The following GBP7 variants were observed in gnomAD, a reference collection of about 807,000 sequenced individuals.
The protein encoded by GBP7 is guanylate-binding protein 7.
GBP7 carries 43 observed loss-of-function variants against 61.3 expected under a neutral mutation model. The ratio of observed to expected loss-of-function variants is 0.70; its 90% CI spans 0.55 to 0.91. The LOEUF is 0.91. Among genes scored for constraint, GBP7 ranks in the 40% least tolerant of loss-of-function variants. The pLI, the probability that GBP7 is intolerant of heterozygous loss-of-function variation, is 0.00. For missense variants in GBP7, 717 were observed against 740.5 expected, an observed-to-expected ratio of 0.97 and a Z score of 0.37; for synonymous variants, 267 against 271.0, an observed-to-expected ratio of 0.99 and a Z score of 0.14.
intron 1 of GBP7, among the ~76,000 whole-genome samples, chr1:89,175,369 G>A (rs951219708): frequency 3.3e-5 from 5 of 152,138 alleles, no homozygotes; most frequent in Non-Finnish European, 7.4e-5. Context: ...CAAGCAAGAA[G>A]GGCAAACCAG....
rs758158653 is a variant in GBP7, at chr1:89,132,282, T to G, written c.1784A>C (p.Gln595Pro). The G allele has an allele frequency of 3.3e-5, 54 of 1,614,050 alleles. No homozygotes were observed. Among genetic ancestry groups the G allele is most frequent in the Non-Finnish European group, 4.3e-5 (51 of 1,179,960 alleles). ...TATACTGCCAGCCACATCAAGAATC[T>G]GTGAAAACACTGAGGGCTCTTCATT... Reference protein sequence around the residue: ...AENEEPSVFSQILDVAGSIFI... With the variant: ...AENEEPSVFSPILDVAGSIFI... Residue 595 changes from glutamine (Q) to proline (P), a missense_variant, in exon 11 of 11, where the codon CAG becomes CCG. Gln to Pro is a moderately conservative substitution (Grantham distance 76). Coordinates refer to ENST00000294671, the MANE Select transcript of GBP7 (RefSeq NM_207398.3).
intron 2 of GBP7, among the ~76,000 whole-genome samples, chr1:89,165,169 G>GTCAC (rs1190355963): frequency 6.6e-6 from 1 of 152,130 alleles, no homozygotes; most frequent in Non-Finnish European, 1.5e-5. Context: ...TGGAACTTCA[G>GTCAC]TGAAGTCTGA....
intron 2 of GBP7, among the ~76,000 whole-genome samples, chr1:89,169,885 G>A (rs1055372612): frequency 2.0e-5 from 3 of 152,146 alleles, no homozygotes; most frequent in Non-Finnish European, 4.4e-5. Context: ...TTCTTTGCTT[G>A]TGCCTTCTTT....
intron 8 of GBP7, among the ~76,000 whole-genome samples, chr1:89,141,870 C>T (rs1681961121): frequency 6.6e-6 from 1 of 152,186 alleles, no homozygotes; most frequent in Non-Finnish European, 1.5e-5. Context: ...GCCTGTCCAG[C>T]CTCTTCTCCC....
intron 8 of GBP7, among the ~76,000 whole-genome samples, chr1:89,145,704 G>A (rs1259722991): frequency 6.6e-6 from 1 of 151,998 alleles, no homozygotes; most frequent in Non-Finnish European, 1.5e-5. Context: ...GAAAAAATAA[G>A]AAAATCACAT....
intron 2 of GBP7, among the ~76,000 whole-genome samples, chr1:89,168,468 T>C (rs901489375): frequency 6.6e-6 from 1 of 152,200 alleles, no homozygotes; most frequent in Non-Finnish European, 1.5e-5. Flanking sequence ...TGCTGACTAG[T>C]TGAGCAAAGC....
intron 8 of GBP7, among the ~76,000 whole-genome samples, chr1:89,144,140 G>A (rs557386066): frequency 4.6e-5 from 7 of 152,124 alleles, no homozygotes; most frequent in East Asian, 3.9e-4. Flanking sequence ...TTGGTTTTCC[G>A]TTTCTGCATT....
chr1:89,163,144 T>G (rs1310605323), intron 3 of GBP7, among the ~76,000 whole-genome samples: 1 of 152,182 alleles, frequency 6.6e-6, no homozygotes, highest in Non-Finnish European at 1.5e-5. Flanking sequence ...CTTTTTGATG[T>G]GTTGCTGGAT....
intron 1 of GBP7, among the ~76,000 whole-genome samples, chr1:89,173,094 T>G (rs578016205): frequency 1.9e-4 from 29 of 152,242 alleles, no homozygotes; most frequent in South Asian, 6.2e-4. Flanking sequence ...TTTCAGCGCT[T>G]CTTTCCTTTT....
chr1:89,175,149 T>C (rs1266107622), intron 1 of GBP7, among the ~76,000 whole-genome samples: 1 of 152,206 alleles, frequency 6.6e-6, no homozygotes, highest in East Asian at 1.9e-4. Context: ...CAAATATAGA[T>C]GATAGATACT....
chr1:89,157,205 G>T (rs1200357155), intron 3 of GBP7, among the ~76,000 whole-genome samples: 1 of 152,180 alleles, frequency 6.6e-6, no homozygotes, highest in Non-Finnish European at 1.5e-5. Context: ...ATTTAAAGAA[G>T]TGTGTAGAGG....
At position 89,149,628 on chromosome 1, in the gene GBP7, C is replaced by T. The variant is rs147632494; in HGVS notation, c.872-56G>A. 1,043 of 1,450,664 alleles carry T rather than the reference C, an allele frequency of 7.2e-4. 7 individuals carry two copies. In the African/African-American group the frequency reaches 0.011, roughly 15 times the overall value. The allele number at this position is 1,450,664 out of a possible 1,614,324, so 89.9% of individuals were successfully genotyped here. A position where few individuals can be genotyped will look rare whatever the true frequency, so the allele number is the denominator to read the frequency against. On this transcript the variant is annotated intron_variant, in intron 6 of 10. Transcript: ENST00000294671. Reference sequence around the variant, plus strand: ...TAGAAAGTTTTCACTCATTGTTTTACGAGTGGTATGTATCAGCATTCTAAA... The same window carrying T: ...TAGAAAGTTTTCACTCATTGTTTTATGAGTGGTATGTATCAGCATTCTAAA...
rs1416918299 is a variant in GBP7, at chr1:89,133,399, TTGTC to T, written c.1517_1520del (p.Arg506LysfsTer9). 6.2e-7 allele frequency: 1 copy of T among 1,614,042 alleles called. No homozygotes were observed. The highest frequency in any genetic ancestry group is 1.3e-5 in the African/African-American group (1 of 74,922). ...TCATTTGCTGCTGTTCCTTCTGTTTTTGTCTTAGCAGCTCCTGTTCCTTTTCAGC... is the reference window on the plus strand; with the variant it reads ...TCATTTGCTGCTGTTCCTTCTGTTTTTTAGCAGCTCCTGTTCCTTTTCAGC... On this transcript the variant is annotated frameshift_variant, in exon 10 of 11. Transcript: ENST00000294671. LOFTEE classifies it high-confidence loss of function.
chr1:89,168,095 A>G (rs547793300), intron 2 of GBP7, among the ~76,000 whole-genome samples: 1 of 152,360 alleles, frequency 6.6e-6, no homozygotes, highest in Admixed American at 6.5e-5. Flanking sequence ...TAAGAAGAGC[A>G]TTTAAAATTG....
chr1:89,132,560 A>C (rs1681705473), intron 10 of GBP7, among the ~76,000 whole-genome samples, 157 bp from the exon 11 acceptor site: 1 of 152,200 alleles, frequency 6.6e-6, no homozygotes, highest in South Asian at 2.1e-4. Context: ...ACTGGACCTA[A>C]ATAAGGGGAG....
intron 10 of GBP7, 136 bp downstream of exon 10, chr1:89,133,122 A>G (rs1681715990): frequency 1.5e-6 from 1 of 679,316 alleles, no homozygotes; most frequent in Non-Finnish European, 2.6e-6. Flanking sequence ...TAGAATTCAT[A>G]TGTATTTGAA....
intron 3 of GBP7, among the ~76,000 whole-genome samples, chr1:89,159,966 G>A (rs1319829597): frequency 1.3e-5 from 2 of 152,182 alleles, no homozygotes; most frequent in Non-Finnish European, 2.9e-5. Flanking sequence ...CAACCCAAAT[G>A]TCCATCAACG....
chr1:89,141,972 C>G (rs1360308381), intron 8 of GBP7, among the ~76,000 whole-genome samples: 1 of 152,102 alleles, frequency 6.6e-6, no homozygotes, highest in Non-Finnish European at 1.5e-5. Flanking sequence ...GCATTATTTG[C>G]TTTCTTTTTT....
At position 89,149,429 on chromosome 1, in the gene GBP7, C is replaced by A; in HGVS notation, c.1015G>T (p.Ala339Ser). The change falls in exon 7 of 11, where the codon GCC becomes TCC. Residue 339 changes from alanine to serine, a missense_variant. Around this residue, in one of 3 missense-constraint regions of GBP7, gnomAD observed 18 missense variants for 45.2 expected, o/e 0.40. Transcript: ENST00000294671. ...RAANHYSQQM[A>S]QQVRFPTDTL... ...TCTGTGGGGAATCTCACTTGCTGGG[C>A]CATCTGCTGGCTGTAGTGGTTGGCT... 1 of 1,614,136 alleles carries A rather than the reference C, an allele frequency of 6.2e-7. No individual in the cohort carries two copies. Among genetic ancestry groups the A allele is most frequent in the Non-Finnish European group, 8.5e-7 (1 of 1,180,028 alleles).
Sources: allele counts gnomAD v4.1 joint callset (sites outside exome capture counted in the v4.1 genomes callset), GRCh38; gene constraint gnomAD v4.1.1; regional missense constraint gnomAD v4.1.1; transcripts MANE v1.5; gene names NCBI Gene and HGNC (gene_info 2026-07-23, HGNC 2026-07-21).